Variants in NDUFA8 observed in about 807,000 individuals in gnomAD.
NDUFA8 encodes NADH:ubiquinone oxidoreductase subunit A8, also known as NADH dehydrogenase [ubiquinone] 1 alpha subcomplex subunit 8.
A neutral mutation model predicts 20.9 loss-of-function variants in NDUFA8; 16 were observed. The observed-to-expected ratio is 0.77, with a 90% CI of 0.52 to 1.16. NDUFA8 has a LOEUF of 1.16. Among genes scored for constraint, NDUFA8 ranks in the 50% most tolerant of loss-of-function variants. NDUFA8 has a pLI of 0.00. For synonymous variants in NDUFA8, 70 were observed against 76.1 expected (o/e 0.92, Z 0.41); for missense variants, 202 against 216.4 (o/e 0.93, Z 0.42).
the NDUFA8 span, chr9:122,133,039 T>C: frequency 2.2e-6 from 1 of 455,904 alleles, no homozygotes; most frequent in African/African-American, 2.0e-5. Context: ...CATGGTTCCA[T>C]CTAATCCTCA....
At chr9:122,157,044 C>T (rs1183708253) in intron 1 of NDUFA8, among the ~76,000 whole-genome samples, 1 of 152,230 alleles carries the variant, frequency 6.6e-6, no homozygotes, top group Admixed American at 6.5e-5. Flanking sequence ...GCCTAAACTT[C>T]TTAACGGGTA....
chr9:122,152,720 G>A lies in NDUFA8; in HGVS notation c.52-312C>T, dbSNP rs577777981. Among the ~76,000 whole-genome samples the A allele has an allele frequency of 5.9e-5, 9 of 152,002 alleles. No individual in the cohort carries two copies. The East Asian group carries it at 1.4e-3, about 23-fold the overall frequency. ...ACAGGCATAAGCCACCTCGCCCAGCGATTCTTTAAAATCTATGGTGATTTA... is the reference window on the plus strand; with the variant it reads ...ACAGGCATAAGCCACCTCGCCCAGCAATTCTTTAAAATCTATGGTGATTTA... On this transcript the variant is annotated intron_variant, in intron 1 of 3. Coordinates refer to ENST00000373768, the MANE Select transcript of NDUFA8 (RefSeq NM_014222.3).
intron 1 of NDUFA8, among the ~76,000 whole-genome samples, chr9:122,157,695 C>T (rs1049103308): frequency 2.0e-4 from 28 of 141,724 alleles, no homozygotes; most frequent in Admixed American, 1.5e-3. Context: ...CCGGGGGGAA[C>T]AAAAGAGTGG....
At chr9:122,152,500 C>T (rs1418732944) in intron 1 of NDUFA8, 92 bp from the exon 2 acceptor site, 1 of 1,172,328 alleles carries the variant, frequency 8.5e-7, no homozygotes. Flanking sequence ...ATAGAGAACA[C>T]AAAAGTAGCA....
At chr9:122,143,062 C>T (rs1335042815), downstream of NDUFA8, among the ~76,000 whole-genome samples, 4 of 152,210 alleles carry the variant, frequency 2.6e-5, no homozygotes, top group South Asian at 2.1e-4. Flanking sequence ...GGTGCAGAAG[C>T]GGCCATGGCA....
chr9:122,152,539 C>T (rs1256782438), intron 1 of NDUFA8, 131 bp from the exon 2 acceptor site: 5 of 808,398 alleles, frequency 6.2e-6, no homozygotes, highest in Non-Finnish European at 9.8e-6. Flanking sequence ...GAAAATTAAA[C>T]ACTGTCATAA....
chr9:122,146,494 C>T (rs540858803), intron 3 of NDUFA8, among the ~76,000 whole-genome samples: 2 of 152,274 alleles, frequency 1.3e-5, no homozygotes, highest in African/African-American at 4.8e-5. Context: ...ATGTTCAGTA[C>T]ATCAAAAAGT....
intron 1 of NDUFA8, among the ~76,000 whole-genome samples, chr9:122,159,088 C>A (rs1009695397): frequency 6.6e-6 from 1 of 152,176 alleles, no homozygotes; most frequent in Non-Finnish European, 1.5e-5. Context: ...GAAATGATAT[C>A]TCTTGAATAA....
the NDUFA8 span, chr9:122,133,040 C>T: frequency 2.2e-6 from 1 of 456,074 alleles, no homozygotes; most frequent in East Asian, 6.9e-5. Context: ...ATGGTTCCAT[C>T]TAATCCTCAC....
chr9:122,142,727 C>T (rs1192871002), downstream of NDUFA8, among the ~76,000 whole-genome samples: 1 of 152,156 alleles, frequency 6.6e-6, no homozygotes, highest in Non-Finnish European at 1.5e-5. Flanking sequence ...ATGTAAAGCA[C>T]TTAGCACAGT....
the NDUFA8 span, among the ~76,000 whole-genome samples, chr9:122,138,408 G>A: frequency 6.6e-6 from 1 of 152,142 alleles, no homozygotes; most frequent in Non-Finnish European, 1.5e-5. Context: ...ACTGTGACAC[G>A]GATTTCTGGG....
At chr9:122,135,459 A>G in the NDUFA8 span, among the ~76,000 whole-genome samples, 1 of 152,088 alleles carries the variant, frequency 6.6e-6, no homozygotes, top group African/African-American at 2.4e-5. Context: ...CCTGGGCGAG[A>G]CACTTCACTC....
chr9:122,135,146 G>A, the NDUFA8 span, among the ~76,000 whole-genome samples: 1 of 152,158 alleles, frequency 6.6e-6, no homozygotes, highest in Non-Finnish European at 1.5e-5. Flanking sequence ...CCTCCCTCTT[G>A]CCTGGAAAAG....
chr9:122,152,746 G>C (rs1473623862), intron 1 of NDUFA8, among the ~76,000 whole-genome samples: 1 of 152,038 alleles, frequency 6.6e-6, no homozygotes, highest in African/African-American at 2.4e-5. Flanking sequence ...TGGTGATTTA[G>C]AGAACGCAAA....
downstream of NDUFA8, among the ~76,000 whole-genome samples, chr9:122,140,096 C>T (rs139985608): frequency 0.013 from 1,953 of 152,318 alleles, 49 homozygotes; most frequent in African/African-American, 0.045. Context: ...GATTCTAATA[C>T]TTTTGAAGGA....
downstream of NDUFA8, among the ~76,000 whole-genome samples, chr9:122,143,296 T>G: frequency 6.6e-6 from 1 of 152,272 alleles, no homozygotes; most frequent in South Asian, 2.1e-4. Flanking sequence ...TCATACGCAA[T>G]TTAAAGCCAT....
Position 122,148,108 on chromosome 9 carries a change from T to A in NDUFA8, c.381+4A>T, listed in dbSNP as rs1489760154. On this transcript the variant is annotated splice_donor_region_variant and intron_variant, in intron 3 of 3. Transcript: ENST00000373768. ...AGTGAGACCTCCAGCAGAAGCCTTTTTACCTTTGACAGTTCTCCCAGGTCA... is the reference window on the plus strand; with the variant it reads ...AGTGAGACCTCCAGCAGAAGCCTTTATACCTTTGACAGTTCTCCCAGGTCA... The A allele has an allele frequency of 3.7e-6, 6 of 1,613,980 alleles. No homozygotes were observed. The highest frequency in any genetic ancestry group is 5.1e-6 in the Non-Finnish European group (6 of 1,180,042).
chr9:122,145,208 G>A (rs767080074), intron 3 of NDUFA8, among the ~76,000 whole-genome samples: 3 of 152,206 alleles, frequency 2.0e-5, no homozygotes, highest in African/African-American at 4.8e-5. Context: ...ACTGAAGCAC[G>A]GCAGTAACTA....
the NDUFA8 span, among the ~76,000 whole-genome samples, chr9:122,138,098 G>A: frequency 6.6e-5 from 10 of 152,284 alleles, no homozygotes; most frequent in Non-Finnish European, 1.5e-4. Context: ...TCAAACCACT[G>A]TCATATGACA....
Sources: gnomAD v4.1 joint callset for allele counts (sites outside exome capture counted in the v4.1 genomes callset) on GRCh38, gnomAD v4.1.1 for gene constraint, MANE v1.5 for transcripts, NCBI Gene and HGNC (gene_info 2026-07-23, HGNC 2026-07-21) for gene names.